Variants in ACVR1C observed in about 807,000 individuals in gnomAD.
The protein encoded by ACVR1C is activin receptor type-1C.
ACVR1C carries 23 observed loss-of-function variants against 57.9 expected under a neutral mutation model. The observed-to-expected ratio is 0.40, with a 90% CI of 0.29 to 0.56. The LOEUF (loss-of-function observed/expected upper bound fraction) is 0.56. Among genes scored for constraint, ACVR1C ranks in the 20% least tolerant of loss-of-function variants. The pLI is 0.50. For synonymous variants in ACVR1C, 214 were observed against 215.3 expected, an observed-to-expected ratio of 0.99 and a Z score of 0.05; for missense variants, 480 against 607.9, an observed-to-expected ratio of 0.79 and a Z score of 2.21.
At chr2:157,618,684 A>G (rs1458955780) in intron 1 of ACVR1C, among the ~76,000 whole-genome samples, 3 of 151,854 alleles carry the variant, frequency 2.0e-5, no homozygotes, top group Non-Finnish European at 4.4e-5. Flanking sequence ...GTAGATATAT[A>G]AATATTAACC....
intron 1 of ACVR1C, among the ~76,000 whole-genome samples, chr2:157,592,140 G>A (rs1006010161): frequency 1.3e-5 from 2 of 152,002 alleles, no homozygotes; most frequent in Non-Finnish European, 2.9e-5. Flanking sequence ...TTTCTGAGGG[G>A]ACATGCAGTC....
At position 157,530,212 on chromosome 2, in the gene ACVR1C, A is replaced by C. The variant is rs1282695737; in HGVS notation, c.*3706T>G. ...CAGCTTTTATTCATTTGGTACTGCT[A>C]CTTTCTTAATTTTCCAGTGGGAAAT... On this transcript the variant is annotated 3_prime_UTR_variant, in exon 9 of 9. Transcript: ENST00000243349. 2 of 152,166 alleles carry C rather than the reference A, an allele frequency of 1.3e-5. No individual in the cohort carries two copies. Among genetic ancestry groups the C allele is most frequent in the African/African-American group, 4.8e-5 (2 of 41,466 alleles). The allele number at this position is 152,166 out of a possible 1,614,324, so 9.4% of individuals were successfully genotyped here.
chr2:157,557,916 T>C (rs1197295666), intron 2 of ACVR1C, among the ~76,000 whole-genome samples: 1 of 152,222 alleles, frequency 6.6e-6, no homozygotes, highest in Admixed American at 6.5e-5. Flanking sequence ...AAAGAAGTTA[T>C]TTTGACACTT....
intron 5 of ACVR1C, among the ~76,000 whole-genome samples, chr2:157,543,616 C>T (rs1384770338): frequency 6.6e-6 from 1 of 152,106 alleles, no homozygotes; most frequent in Non-Finnish European, 1.5e-5. Context: ...TTGTAGTCCT[C>T]AATAATTTTA....
At chr2:157,610,413 TA>T (rs1682506761) in intron 1 of ACVR1C, among the ~76,000 whole-genome samples, 1 of 152,174 alleles carries the variant, frequency 6.6e-6, no homozygotes, top group Non-Finnish European at 1.5e-5. Context: ...ATTCAGCCTT[TA>T]AAAAGATAGG....
intron 1 of ACVR1C, among the ~76,000 whole-genome samples, chr2:157,626,452 G>C (rs548368989): frequency 6.6e-6 from 1 of 152,220 alleles, no homozygotes; most frequent in Non-Finnish European, 1.5e-5. Flanking sequence ...ATTTAAAGTC[G>C]TAGGCCTGCT....
At position 157,610,111 on chromosome 2, in the gene ACVR1C, A is replaced by G. The variant is rs189143036; in HGVS notation, c.73+18461T>C. ...TCCTATTTGAGTTATTTCTCTTCCAAATATGTGTGTGTTTGTCATGTCAGT... is the reference window on the plus strand; with the variant it reads ...TCCTATTTGAGTTATTTCTCTTCCAGATATGTGTGTGTTTGTCATGTCAGT... On this transcript the variant is annotated intron_variant, in intron 1 of 8. Coordinates refer to ENST00000243349, the MANE Select transcript of ACVR1C (RefSeq NM_145259.3). Among the ~76,000 whole-genome samples, 174 of 151,870 alleles carry G rather than the reference A, an allele frequency of 1.1e-3. 1 individual carries two copies. The Middle Eastern group carries it at 0.014, about 12-fold the overall frequency.
At chr2:157,611,573 G>T (rs773759005) in intron 1 of ACVR1C, among the ~76,000 whole-genome samples, 2 of 152,204 alleles carry the variant, frequency 1.3e-5, no homozygotes, top group Non-Finnish European at 2.9e-5. Flanking sequence ...TAGGCTTGTT[G>T]TGGGCAATGG....
chr2:157,555,926 G>GA (rs1201804739), intron 3 of ACVR1C, among the ~76,000 whole-genome samples, 167 bp downstream of exon 3: 1 of 152,078 alleles, frequency 6.6e-6, no homozygotes, highest in African/African-American at 2.4e-5. Flanking sequence ...AGGCCACGAT[G>GA]GTTTTTCTCT....
At chr2:157,570,671 C>T (rs1688495189) in intron 2 of ACVR1C, among the ~76,000 whole-genome samples, 1 of 56,504 alleles carries the variant, frequency 1.8e-5, no homozygotes, top group African/African-American at 8.0e-5. Flanking sequence ...TGTGAAGGAC[C>T]TCTTCAAGGA....
At chr2:157,604,064 T>G (rs1393327778) in intron 1 of ACVR1C, among the ~76,000 whole-genome samples, 2 of 152,106 alleles carry the variant, frequency 1.3e-5, no homozygotes, top group African/African-American at 2.4e-5. Flanking sequence ...TATACCTGAT[T>G]AACCAATTTG....
intron 1 of ACVR1C, among the ~76,000 whole-genome samples, chr2:157,611,764 A>G (rs1204243436): frequency 6.6e-6 from 1 of 152,106 alleles, no homozygotes; most frequent in Non-Finnish European, 1.5e-5. Context: ...AGGGAAGTGC[A>G]CAGATGCCAG....
intron 3 of ACVR1C, among the ~76,000 whole-genome samples, chr2:157,555,514 G>A (rs887885914): frequency 2.0e-5 from 3 of 152,228 alleles, no homozygotes; most frequent in African/African-American, 7.2e-5. Flanking sequence ...GCACAGGAAT[G>A]CTGCACTGCT....
In ACVR1C at chr2:157,532,574, G is replaced by A. The variant is rs918005036; in HGVS notation, c.*1344C>T. The A allele has an allele frequency of 7.9e-5, 12 of 151,992 alleles. No individual in the cohort carries two copies. Among genetic ancestry groups the A allele is most frequent in the Middle Eastern group, 6.8e-3 (2 of 292 alleles). 9.4% of individuals were successfully genotyped at this position (151,992 alleles called of 1,614,324 possible). ...CATAAAAGACATCATGTTAAATCTC[G>A]TTTACCAAAGTAAAATTATAGATTT... On this transcript the variant is annotated 3_prime_UTR_variant, in exon 9 of 9. Transcript: ENST00000243349.
chr2:157,593,144 C>T (rs1573942496), intron 1 of ACVR1C, among the ~76,000 whole-genome samples: 1 of 152,094 alleles, frequency 6.6e-6, no homozygotes, highest in Non-Finnish European at 1.5e-5. Flanking sequence ...GTGCACATTC[C>T]TAACCAACCA....
chr2:157,536,916 T>C (rs1328639107), intron 8 of ACVR1C, among the ~76,000 whole-genome samples: 1 of 152,152 alleles, frequency 6.6e-6, no homozygotes, highest in Non-Finnish European at 1.5e-5. Context: ...GTATATTTGG[T>C]TTAACACTGG....
chr2:157,585,503 C>T (rs1003487061), intron 2 of ACVR1C, among the ~76,000 whole-genome samples: 1 of 152,030 alleles, frequency 6.6e-6, no homozygotes, highest in African/African-American at 2.4e-5. Flanking sequence ...CTTGATTTGC[C>T]CAATTGCATA....
Position 157,556,265 on chromosome 2 carries a change from G to C in ACVR1C, c.372C>G (p.Leu124=). 1 of 1,614,176 alleles carries C rather than the reference G, an allele frequency of 6.2e-7. No individual in the cohort carries two copies. The highest frequency in any genetic ancestry group is 8.5e-7 in the Non-Finnish European group (1 of 1,180,034). The change falls in exon 3 of 9, where the codon CTC becomes CTG. Residue 124 remains leucine (L), a synonymous_variant. Coordinates refer to ENST00000243349, the MANE Select transcript of ACVR1C (RefSeq NM_145259.3). ...CTGTCAGCATCGCAGCTATGGACAG[G>C]AGGCAAACAGGCACAGTAATAATGA... is the stretch of plus-strand genomic sequence containing the variant. ...LAIIITVPVC[L]LSIAAMLTVW...
At chr2:157,587,459 T>A (rs113073159) in intron 1 of ACVR1C, 42 bp from the exon 2 acceptor site, 1 of 1,379,030 alleles carries the variant, frequency 7.3e-7, no homozygotes, top group Non-Finnish European at 1.0e-6. Flanking sequence ...ACAAAAGACA[T>A]CATGCTACTT....
Sources: gnomAD v4.1 joint callset for allele counts (sites outside exome capture counted in the v4.1 genomes callset) on GRCh38, gnomAD v4.1.1 for gene constraint, MANE v1.5 for transcripts, NCBI Gene and HGNC (gene_info 2026-07-23, HGNC 2026-07-21) for gene names.